Variants in C8orf34 observed in about 807,000 individuals in gnomAD.
The protein encoded by C8orf34 is uncharacterized protein C8orf34.
C8orf34 carries 65 observed loss-of-function variants against 68.3 expected under a neutral mutation model. That is an observed-to-expected ratio of 0.95 (90% CI 0.78 to 1.17). C8orf34 has a LOEUF of 1.17. C8orf34 is among the 50% of genes most tolerant of loss of function. The pLI is 0.00. For synonymous variants in C8orf34, 244 were observed against 241.2 expected (o/e 1.01, Z -0.11); for missense variants, 664 against 655.4 (o/e 1.01, Z -0.14).
chr8:68,736,341 G>A (rs561257179), intron 10 of C8orf34, among the ~76,000 whole-genome samples: 1 of 152,058 alleles, frequency 6.6e-6, no homozygotes, highest in African/African-American at 2.4e-5. Flanking sequence ...CTAGAAGTTA[G>A]TATTATTATC....
chr8:68,610,981 C>T (rs964758549), intron 7 of C8orf34, among the ~76,000 whole-genome samples: 2 of 151,602 alleles, frequency 1.3e-5, no homozygotes, highest in African/African-American at 4.9e-5. Context: ...TCTCCTGCCT[C>T]AGCCTTCCAA....
intron 10 of C8orf34, among the ~76,000 whole-genome samples, chr8:68,759,289 C>T (rs1276799327): frequency 6.6e-6 from 1 of 152,116 alleles, no homozygotes; most frequent in African/African-American, 2.4e-5. Flanking sequence ...AATTTAACTA[C>T]AATTTAATTT....
intron 1 of C8orf34, among the ~76,000 whole-genome samples, chr8:68,381,762 AT>A (rs1212938870): frequency 1.4e-3 from 208 of 150,460 alleles, no homozygotes; most frequent in African/African-American, 4.7e-3. Context: ...AAAAAAAAAA[AT>A]AGGTATATTA....
intron 1 of C8orf34, among the ~76,000 whole-genome samples, chr8:68,350,142 C>A (rs1312717523): frequency 6.6e-6 from 1 of 151,882 alleles, no homozygotes. Flanking sequence ...TTAGCTGTGT[C>A]CCAGAGATTC....
chr8:68,511,238 G>C (rs1389097359), intron 5 of C8orf34, among the ~76,000 whole-genome samples: 3 of 152,182 alleles, frequency 2.0e-5, no homozygotes, highest in African/African-American at 4.8e-5. Context: ...TCTATAGAAT[G>C]GTGCGCCTCG....
At chr8:68,504,800 C>T (rs908641621) in intron 5 of C8orf34, among the ~76,000 whole-genome samples, 4 of 152,086 alleles carry the variant, frequency 2.6e-5, no homozygotes, top group African/African-American at 9.7e-5. Context: ...GTGCCTCAGC[C>T]TCCCAAGTAG....
At chr8:68,765,155 G>A (rs1216739026) in intron 10 of C8orf34, among the ~76,000 whole-genome samples, 1 of 152,094 alleles carries the variant, frequency 6.6e-6, no homozygotes, top group Non-Finnish European at 1.5e-5. Context: ...TGTCCTCATT[G>A]CTTTATAGAC....
At chr8:68,534,135 C>T (rs1815366009) in intron 7 of C8orf34, 1 of 984,674 alleles carries the variant, frequency 1.0e-6, no homozygotes, top group Non-Finnish European at 1.2e-6. Flanking sequence ...TATTGCTTAT[C>T]ATTTTTGCAT....
Position 68,650,510 on chromosome 8 carries a change from C to G in C8orf34, c.1241+9999C>G, listed in dbSNP as rs1429870634. Reference sequence around the variant, plus strand: ...TTTTTTTTTTTTTGAGACGGAGTCTCGCTCTGTCGCCCAGGCTGGAGTGCA... The same window carrying G: ...TTTTTTTTTTTTTGAGACGGAGTCTGGCTCTGTCGCCCAGGCTGGAGTGCA... On this transcript the variant is annotated intron_variant, in intron 8 of 13. Coordinates refer to ENST00000518698, the MANE Select transcript of C8orf34 (RefSeq NM_052958.4). Among the ~76,000 whole-genome samples the G allele has an allele frequency of 2.9e-5, 4 of 138,438 alleles. No individual in the cohort carries two copies. The South Asian group carries it at 7.1e-4, about 25-fold the overall frequency. The allele number at this position is 138,438 out of a possible 152,430, so 90.8% of individuals were successfully genotyped here. A position where few individuals can be genotyped will look rare whatever the true frequency, so the allele number is the denominator to read the frequency against.
chr8:68,570,812 C>T (rs553660831), intron 7 of C8orf34, among the ~76,000 whole-genome samples: 1 of 152,236 alleles, frequency 6.6e-6, no homozygotes, highest in Non-Finnish European at 1.5e-5. Context: ...CATAAGTGTG[C>T]ACATTAAGGT....
chr8:68,609,295 GA>G (rs1178502491), intron 7 of C8orf34, among the ~76,000 whole-genome samples: 1 of 152,164 alleles, frequency 6.6e-6, no homozygotes, highest in Non-Finnish European at 1.5e-5. Flanking sequence ...AGTGCCCAGT[GA>G]CTGTATGGGG....
intron 8 of C8orf34, among the ~76,000 whole-genome samples, chr8:68,694,927 G>T (rs1212621810): frequency 2.0e-5 from 3 of 151,792 alleles, no homozygotes; most frequent in Non-Finnish European, 4.4e-5. Context: ...ACAAATTTCA[G>T]TATGATGTCC....
chr8:68,374,298 T>C (rs531487608), intron 1 of C8orf34, among the ~76,000 whole-genome samples: 1 of 152,292 alleles, frequency 6.6e-6, no homozygotes, highest in South Asian at 2.1e-4. Flanking sequence ...TCCCGTATGG[T>C]GTGTTTTGGA....
chr8:68,790,830 ATC>A (rs1430065173), intron 12 of C8orf34: 1 of 701,210 alleles, frequency 1.4e-6, no homozygotes, highest in African/African-American at 1.8e-5. Flanking sequence ...CTAAATCAGA[ATC>A]TCTGTGGCTG....
intron 7 of C8orf34, among the ~76,000 whole-genome samples, chr8:68,560,325 A>G (rs1319002940): frequency 1.3e-5 from 2 of 152,160 alleles, no homozygotes; most frequent in Non-Finnish European, 2.9e-5. Context: ...AGAATGTACT[A>G]TCTTATAGTT....
At chr8:68,755,505 G>A (rs1399069163) in intron 10 of C8orf34, among the ~76,000 whole-genome samples, 7 of 152,162 alleles carry the variant, frequency 4.6e-5, no homozygotes, top group Admixed American at 2.6e-4. Context: ...GTAGATATCT[G>A]ATACCAATTT....
At chr8:68,378,553 G>T (rs1363263239) in intron 1 of C8orf34, among the ~76,000 whole-genome samples, 1 of 152,146 alleles carries the variant, frequency 6.6e-6, no homozygotes, top group East Asian at 1.9e-4. Context: ...CTCCCAAAGT[G>T]CTGGGATTAC....
chr8:68,567,720 G>C (rs550341068), intron 7 of C8orf34, among the ~76,000 whole-genome samples: 2 of 125,130 alleles, frequency 1.6e-5, no homozygotes, highest in Non-Finnish European at 3.3e-5. Flanking sequence ...TCAGCCTCCC[G>C]AGTCTTTTGT....
intron 8 of C8orf34, among the ~76,000 whole-genome samples, chr8:68,641,689 A>G (rs1819015927): frequency 6.6e-6 from 1 of 152,218 alleles, no homozygotes; most frequent in East Asian, 1.9e-4. Flanking sequence ...TGTCATTTGT[A>G]GAAGACTGGG....
Sources: gnomAD v4.1 joint callset for allele counts (sites outside exome capture counted in the v4.1 genomes callset) on GRCh38, gnomAD v4.1.1 for gene constraint, MANE v1.5 for transcripts, NCBI Gene and HGNC (gene_info 2026-07-23, HGNC 2026-07-21) for gene names.